The following MGLL variants were observed in gnomAD, a reference collection of about 807,000 sequenced individuals.
MGLL encodes the protein monoglyceride lipase, also known as lysophospholipase homolog.
A neutral mutation model predicts 29.1 loss-of-function variants in MGLL; 7 were observed. The ratio of observed to expected loss-of-function variants is 0.24; its 90% CI spans 0.14 to 0.45. The LOEUF is 0.45. Among genes scored for constraint, MGLL ranks in the 20% least tolerant of loss-of-function variants. MGLL has a pLI of 0.99. For synonymous variants in MGLL, 148 were observed against 168.3 expected, an observed-to-expected ratio of 0.88 and a Z score of 0.93; for missense variants, 356 against 413.6, an observed-to-expected ratio of 0.86 and a Z score of 1.21.
At chr3:127,816,067 AGT>A (rs1307366815) in intron 2 of MGLL, among the ~76,000 whole-genome samples, 3 of 152,218 alleles carry the variant, frequency 2.0e-5, no homozygotes, top group Non-Finnish European at 4.4e-5. Flanking sequence ...AGACTGACAG[AGT>A]GGGGTTCAAA....
At chr3:127,742,693 C>T (rs1460026278) in intron 3 of MGLL, among the ~76,000 whole-genome samples, 1 of 151,360 alleles carries the variant, frequency 6.6e-6, no homozygotes, top group Non-Finnish European at 1.5e-5. Context: ...CTTAAGGCAA[C>T]CTGTTTTCTC....
intron 2 of MGLL, among the ~76,000 whole-genome samples, chr3:127,821,083 G>A (rs2077851459): frequency 6.6e-6 from 1 of 152,146 alleles, no homozygotes. Flanking sequence ...AAACAAGCAG[G>A]GTTTTCCTGC....
rs2075695070 is a variant in MGLL at position 127,710,729 on chromosome 3, G to A, written c.511-64C>T. The A allele has an allele frequency of 5.1e-6, 7 of 1,365,830 alleles. No homozygotes were observed. The Admixed American group carries it at 1.4e-4, about 27-fold the overall frequency. 84.6% of individuals were successfully genotyped at this position (1,365,830 alleles called of 1,614,324 possible). A position where few individuals can be genotyped will look rare whatever the true frequency, so the allele number is the denominator to read the frequency against. On this transcript the variant is annotated intron_variant, in intron 5 of 7. Coordinates refer to ENST00000265052, the MANE Select transcript of MGLL (RefSeq NM_007283.7). ...GGCATCCACACCCGGCTCTTCCGCA[G>A]TGACAGTTTACAGTACATTAAGGAG...
chr3:127,701,880 T>C (rs2075497393), intron 6 of MGLL, among the ~76,000 whole-genome samples: 1 of 152,196 alleles, frequency 6.6e-6, no homozygotes, highest in Non-Finnish European at 1.5e-5. Flanking sequence ...AAGCCCAGGT[T>C]AAGCATTTCC....
At chr3:127,818,553 T>A (rs994949194) in intron 2 of MGLL, among the ~76,000 whole-genome samples, 8 of 152,162 alleles carry the variant, frequency 5.3e-5, no homozygotes, top group African/African-American at 1.4e-4. Context: ...TTAGGGAGAA[T>A]TAATTATTCT....
At chr3:127,811,483 C>T (rs1025524204) in intron 2 of MGLL, among the ~76,000 whole-genome samples, 10 of 152,334 alleles carry the variant, frequency 6.6e-5, no homozygotes, top group African/African-American at 2.2e-4. Context: ...CTTCAACCCT[C>T]GTCCCAACTA....
chr3:127,786,512 C>G (rs1488014245), intron 2 of MGLL, among the ~76,000 whole-genome samples: 1 of 152,216 alleles, frequency 6.6e-6, no homozygotes, highest in Non-Finnish European at 1.5e-5. Context: ...GGGCGCCCAG[C>G]CCCAGAAGCA....
At chr3:127,752,242 G>T (rs575422279) in intron 3 of MGLL, among the ~76,000 whole-genome samples, 1 of 152,128 alleles carries the variant, frequency 6.6e-6, no homozygotes, top group African/African-American at 2.4e-5. Flanking sequence ...GATTGCAGGC[G>T]CCTGCCACCA....
At chr3:127,695,278 T>G in intron 6 of MGLL, 88 bp from the exon 7 acceptor site, 3 of 1,360,952 alleles carry the variant, frequency 2.2e-6, no homozygotes, top group Non-Finnish European at 3.1e-6. Flanking sequence ...TTCCTTCTGC[T>G]CTGGCCTGAA....
rs556045341 is a variant in MGLL, at chr3:127,775,508, C to A, written c.262+6281G>T. Among the ~76,000 whole-genome samples, 294 of 152,214 alleles carry A rather than the reference C, an allele frequency of 1.9e-3. 1 individual carries two copies. The highest frequency in any genetic ancestry group is 3.4e-3 in the Non-Finnish European group (234 of 68,018). On this transcript the variant is annotated intron_variant, in intron 3 of 7. Coordinates refer to ENST00000265052, the MANE Select transcript of MGLL (RefSeq NM_007283.7). ...TTCTTCTGACTGGATAGGACCCACC[C>A]GCCAAGGAGAACCACGCGTAACTGC...
At chr3:127,754,795 A>T (rs1238091500) in intron 3 of MGLL, among the ~76,000 whole-genome samples, 5 of 151,946 alleles carry the variant, frequency 3.3e-5, no homozygotes, top group Non-Finnish European at 4.4e-5. Context: ...TGCTGAGAAA[A>T]CCACACCAGA....
chr3:127,786,448 G>A (rs1038449530), intron 2 of MGLL, among the ~76,000 whole-genome samples: 30 of 152,228 alleles, frequency 2.0e-4, no homozygotes, highest in African/African-American at 7.2e-4. Flanking sequence ...CTTCTTTAAC[G>A]GCTGCAGCCA....
intron 2 of MGLL, among the ~76,000 whole-genome samples, chr3:127,782,356 G>A (rs955549231): frequency 3.9e-5 from 6 of 152,222 alleles, no homozygotes; most frequent in South Asian, 2.1e-4. Context: ...GGAGTTTGCT[G>A]TTAAAATGCG....
At chr3:127,694,381 A>G (rs867178064) in intron 7 of MGLL, among the ~76,000 whole-genome samples, 1 of 109,176 alleles carries the variant, frequency 9.2e-6, no homozygotes, top group Non-Finnish European at 2.1e-5. Context: ...ATGTATATAT[A>G]TGTGTGTATA....
chr3:127,787,498 G>A (rs1394127608), intron 2 of MGLL, among the ~76,000 whole-genome samples: 13 of 152,242 alleles, frequency 8.5e-5, no homozygotes, highest in African/African-American at 3.1e-4. Flanking sequence ...AAGGAAGAAC[G>A]GAATGCCCAG....
intron 2 of MGLL, among the ~76,000 whole-genome samples, chr3:127,790,534 A>T (rs1052136970): frequency 2.0e-5 from 3 of 152,220 alleles, no homozygotes; most frequent in Middle Eastern, 3.4e-3. Flanking sequence ...GATGAGATGG[A>T]GGGAGGGGGA....
At chr3:127,741,560 G>A (rs74852805) in intron 3 of MGLL, among the ~76,000 whole-genome samples, 1 of 151,650 alleles carries the variant, frequency 6.6e-6, no homozygotes, top group African/African-American at 2.4e-5. Flanking sequence ...TGTGGGGAGC[G>A]GGCAGAGGTT....
At chr3:127,808,086 A>G (rs773212503) in intron 2 of MGLL, among the ~76,000 whole-genome samples, 12 of 152,056 alleles carry the variant, frequency 7.9e-5, no homozygotes, top group Non-Finnish European at 1.5e-4. Flanking sequence ...TCTGCTCCAG[A>G]GTCTAGCTTT....
chr3:127,809,047 T>TCCAATGCAGGC, intron 2 of MGLL, among the ~76,000 whole-genome samples: 3 of 151,844 alleles, frequency 2.0e-5, no homozygotes, highest in Non-Finnish European at 4.4e-5. Flanking sequence ...TTTCCCAGCT[T>TCCAATGCAGGC]TCTTCATCAC....
Sources: allele counts gnomAD v4.1 joint callset (sites outside exome capture counted in the v4.1 genomes callset), GRCh38; gene constraint gnomAD v4.1.1; transcripts MANE v1.5; gene names NCBI Gene and HGNC (gene_info 2026-07-23, HGNC 2026-07-21).